Variants in BTG3 observed in about 807,000 individuals in gnomAD.
BTG3 encodes BTG anti-proliferation factor 3, also known as protein BTG3.
BTG3 carries 4 observed loss-of-function variants against 25.8 expected under a neutral mutation model. The observed-to-expected ratio is 0.16, with a 90% confidence interval of 0.08 to 0.36. The LOEUF (loss-of-function observed/expected upper bound fraction) is 0.36, where lower values mean the gene tolerates loss of function less well. Among genes scored for constraint, BTG3 ranks in the 10% least tolerant of loss-of-function variants. The probability of loss-of-function intolerance (pLI) is 1.00; values close to 1 mark genes in which losing one functional copy is unlikely to be tolerated. For synonymous variants in BTG3, 107 were observed against 99.9 expected, an observed-to-expected ratio of 1.07 and a Z score of -0.42; for missense variants, 201 against 304.9, an observed-to-expected ratio of 0.66 and a Z score of 2.54.
chr21:17,599,746 C>A (rs1273868136), intron 3 of BTG3, among the ~76,000 whole-genome samples: 2 of 152,226 alleles, frequency 1.3e-5, no homozygotes. Context: ...TCCCAAAGTG[C>A]TGGGTTTATA....
At chr21:17,606,362 C>G (rs909084403) in intron 2 of BTG3, among the ~76,000 whole-genome samples, 7 of 152,178 alleles carry the variant, frequency 4.6e-5, no homozygotes, top group African/African-American at 1.7e-4. Context: ...ATATACGTAC[C>G]TATCTTAGCG....
intron 2 of BTG3, among the ~76,000 whole-genome samples, chr21:17,608,146 G>A (rs767856177): frequency 3.9e-5 from 6 of 152,102 alleles, no homozygotes; most frequent in Non-Finnish European, 7.4e-5. Flanking sequence ...GGAGAAGATC[G>A]CGTGAGGCCA....
At chr21:17,608,830 G>A in intron 2 of BTG3, 142 bp downstream of exon 2, 2 of 795,844 alleles carry the variant, frequency 2.5e-6, no homozygotes, top group Non-Finnish European at 1.9e-6. Context: ...AATGAGTAAG[G>A]AGAAAATATA....
intron 2 of BTG3, among the ~76,000 whole-genome samples, chr21:17,607,617 A>G (rs1419332990): frequency 6.6e-6 from 1 of 151,896 alleles, no homozygotes; most frequent in Non-Finnish European, 1.5e-5. Context: ...TCCTTTTTAG[A>G]CTCCTTGAAT....
intron 1 of BTG3, chr21:17,611,763 C>G (rs1047137539): frequency 1.3e-5 from 2 of 152,258 alleles, no homozygotes; most frequent in Admixed American, 6.5e-5. Flanking sequence ...CACAAGGCTC[C>G]TCTGCTCACG....
rs188769448 is a variant in BTG3 at position 17,594,881 on chromosome 21, A to G, written c.520-549T>C. Reference sequence around the variant, plus strand: ...GGGAGAAGGAAAAGGAGCAGAAAAGATAACTATTGAGTACTGGGCTTCACA... The same window carrying G: ...GGGAGAAGGAAAAGGAGCAGAAAAGGTAACTATTGAGTACTGGGCTTCACA... On this transcript the variant is annotated intron_variant, in intron 4 of 4. Transcript: ENST00000348354. 2.2e-3 allele frequency among the ~76,000 whole-genome samples: 338 copies of G among 152,178 alleles called. 9 individuals carry two copies. Among genetic ancestry groups the G allele is most frequent in the Non-Finnish European group, 2.5e-3 (167 of 67,954 alleles).
chr21:17,612,507 C>T (rs7280201), intron 1 of BTG3, 192 bp downstream of exon 1: 129 of 150,506 alleles, frequency 8.6e-4, no homozygotes, highest in African/African-American at 3.1e-3. Context: ...GCGGGCCGCC[C>T]TCGCGGCCCG....
intron 3 of BTG3, among the ~76,000 whole-genome samples, chr21:17,599,709 A>G (rs1351623442): frequency 6.6e-6 from 1 of 152,040 alleles, no homozygotes; most frequent in Non-Finnish European, 1.5e-5. Flanking sequence ...TGAACTCCTG[A>G]CCTCAGGTGA....
At chr21:17,610,638 C>T (rs1048246824) in intron 1 of BTG3, among the ~76,000 whole-genome samples, 1 of 152,186 alleles carries the variant, frequency 6.6e-6, no homozygotes, top group African/African-American at 2.4e-5. Context: ...TGTCTCTACT[C>T]AGTGAGCTCA....
intron 2 of BTG3, 90 bp downstream of exon 2, chr21:17,608,882 T>C: frequency 2.4e-6 from 3 of 1,258,108 alleles, no homozygotes; most frequent in Non-Finnish European, 3.3e-6. Flanking sequence ...GAAACACCTG[T>C]AGGCATGGTC....
At chr21:17,605,957 C>T (rs1322914042) in intron 2 of BTG3, among the ~76,000 whole-genome samples, 4 of 152,044 alleles carry the variant, frequency 2.6e-5, no homozygotes, top group Admixed American at 2.0e-4. Flanking sequence ...AGTAATTACG[C>T]TGTAAAATAC....
chr21:17,601,139 G>A (rs1439307187), intron 3 of BTG3, among the ~76,000 whole-genome samples: 2 of 151,884 alleles, frequency 1.3e-5, no homozygotes, highest in East Asian at 1.9e-4. Context: ...CTCCAGCCTG[G>A]GCGACAGAGT....
intron 1 of BTG3, among the ~76,000 whole-genome samples, chr21:17,611,275 A>G: frequency 6.6e-6 from 1 of 152,210 alleles, no homozygotes; most frequent in East Asian, 1.9e-4. Context: ...CAAAGCAAAC[A>G]AGGAACCACA....
intron 3 of BTG3, 61 bp downstream of exon 3, chr21:17,604,799 G>A: frequency 6.4e-7 from 1 of 1,563,984 alleles, no homozygotes; most frequent in Non-Finnish European, 8.7e-7. Context: ...GTACATGACA[G>A]AATGTCATAA....
At chr21:17,595,676 G>A (rs1485539259) in intron 4 of BTG3, among the ~76,000 whole-genome samples, 1 of 151,702 alleles carries the variant, frequency 6.6e-6, no homozygotes, top group African/African-American at 2.4e-5. Context: ...GCTGTTTTCA[G>A]TCTCTTACTA....
In BTG3 at chr21:17,605,987, T is replaced by C. The variant is rs566137953; in HGVS notation, c.174-990A>G. ...AAATACAATGATATAAAGACTAATG[T>C]GCTATTTAAAGTTTTTGTAAAAGTT... On this transcript the variant is annotated intron_variant, in intron 2 of 4. Transcript: ENST00000348354. Among the ~76,000 whole-genome samples the C allele has an allele frequency of 1.6e-4, 24 of 152,330 alleles. No individual in the cohort carries two copies. The South Asian group carries it at 5.0e-3, about 32-fold the overall frequency.
chr21:17,602,547 C>T (rs2061587457), intron 3 of BTG3, among the ~76,000 whole-genome samples: 1 of 152,168 alleles, frequency 6.6e-6, no homozygotes, highest in African/African-American at 2.4e-5. Context: ...ACCACCTCTA[C>T]TAAACGATTA....
chr21:17,606,628 C>A (rs1016091610), intron 2 of BTG3, among the ~76,000 whole-genome samples: 1 of 152,046 alleles, frequency 6.6e-6, no homozygotes, highest in Non-Finnish European at 1.5e-5. Context: ...AATATAGATG[C>A]TTAAACAGAG....
intron 3 of BTG3, chr21:17,604,248 C>G (rs2849906): frequency 4.5e-6 from 2 of 441,954 alleles, no homozygotes; most frequent in East Asian, 2.5e-4. Context: ...TGAGAGCAGT[C>G]TGGCCAACAT....
Sources: allele counts gnomAD v4.1 joint callset (sites outside exome capture counted in the v4.1 genomes callset), GRCh38; gene constraint gnomAD v4.1.1; transcripts MANE v1.5; gene names NCBI Gene and HGNC (gene_info 2026-07-23, HGNC 2026-07-21).